CACNA2D3: variants seen among roughly 807,000 people sequenced by gnomAD.
CACNA2D3 encodes the protein calcium voltage-gated channel auxiliary subunit alpha2delta 3, also known as voltage-dependent calcium channel subunit alpha-2/delta-3.
In CACNA2D3, 60 loss-of-function variants were observed where a neutral mutation model predicts 160.6. The observed-to-expected ratio is 0.37, with a 90% CI of 0.30 to 0.46. The LOEUF (loss-of-function observed/expected upper bound fraction) is 0.46, where lower values mean the gene tolerates loss of function less well. Ranked by LOEUF, CACNA2D3 falls within the 20% of genes least tolerant of loss-of-function variation. The probability of loss-of-function intolerance (pLI) is 1.00; values close to 1 mark genes in which losing one functional copy is unlikely to be tolerated. For missense variants in CACNA2D3, 1,205 were observed against 1,365.0 expected (o/e 0.88, Z 1.85); for synonymous variants, 558 against 492.9 (o/e 1.13, Z -1.75).
intron 2 of CACNA2D3, among the ~76,000 whole-genome samples, chr3:54,227,582 T>G (rs1162720582): frequency 6.6e-6 from 1 of 151,398 alleles, no homozygotes; most frequent in Admixed American, 6.6e-5. Flanking sequence ...GGGGGCAGAG[T>G]CTCGCTCTGT....
At chr3:55,054,752 G>T (rs1704321504) in intron 35 of CACNA2D3, among the ~76,000 whole-genome samples, 1 of 151,814 alleles carries the variant, frequency 6.6e-6, no homozygotes, top group Non-Finnish European at 1.5e-5. Context: ...CACATGCATA[G>T]TCAGTTTTGT....
chr3:54,312,735 C>G (rs972238393), intron 2 of CACNA2D3, among the ~76,000 whole-genome samples: 1 of 152,210 alleles, frequency 6.6e-6, no homozygotes, highest in Non-Finnish European at 1.5e-5. Context: ...ATTCTGCTAA[C>G]AGAAGGGATG....
chr3:54,896,644 T>TA, intron 25 of CACNA2D3, 105 bp from the exon 26 acceptor site: 1 of 1,422,480 alleles, frequency 7.0e-7, no homozygotes. Context: ...GTTGGGGTTC[T>TA]AAAAGTGAAC....
At chr3:54,493,320 A>G (rs1701147060) in intron 4 of CACNA2D3, among the ~76,000 whole-genome samples, 1 of 151,482 alleles carries the variant, frequency 6.6e-6, no homozygotes, top group Non-Finnish European at 1.5e-5. Flanking sequence ...CAGGCAGTCC[A>G]CCCGTCTTGA....
intron 2 of CACNA2D3, among the ~76,000 whole-genome samples, chr3:54,227,201 A>C (rs1215098549): frequency 6.7e-6 from 1 of 150,212 alleles, no homozygotes; most frequent in Non-Finnish European, 1.5e-5. Flanking sequence ...GGGGTTAACA[A>C]TATGTTACTG....
chr3:54,617,555 T>C (rs1260698514), intron 9 of CACNA2D3, among the ~76,000 whole-genome samples: 2 of 152,228 alleles, frequency 1.3e-5, no homozygotes, highest in East Asian at 3.8e-4. Context: ...TTGCTGAAAC[T>C]GCTCTTGGGT....
At chr3:54,438,655 AGTATT>A (rs920949179) in intron 4 of CACNA2D3, among the ~76,000 whole-genome samples, 2 of 152,182 alleles carry the variant, frequency 1.3e-5, no homozygotes, top group Non-Finnish European at 2.9e-5. Context: ...TGACAAAGGG[AGTATT>A]GTATTTATCA....
chr3:54,373,337 C>G (rs919999571), intron 3 of CACNA2D3, among the ~76,000 whole-genome samples: 2 of 152,158 alleles, frequency 1.3e-5, no homozygotes, highest in African/African-American at 4.8e-5. Context: ...CCCGCTTGGT[C>G]TTATTACACA....
At chr3:54,125,944 T>G (rs1699582446) in intron 2 of CACNA2D3, among the ~76,000 whole-genome samples, 3 of 152,230 alleles carry the variant, frequency 2.0e-5, no homozygotes, top group Admixed American at 6.5e-5. Flanking sequence ...TCCTTAACAA[T>G]TAAGATGCTT....
intron 4 of CACNA2D3, among the ~76,000 whole-genome samples, chr3:54,405,269 TAA>T (rs34019072): frequency 0.16 from 15,993 of 100,618 alleles, 1,140 homozygotes; most frequent in African/African-American, 0.27. Flanking sequence ...TACTACTCAG[TAA>T]AAAAAAAAAA....
At chr3:54,689,738 A>C (rs1036443737) in intron 11 of CACNA2D3, among the ~76,000 whole-genome samples, 4 of 151,236 alleles carry the variant, frequency 2.6e-5, no homozygotes, top group East Asian at 1.9e-4. Flanking sequence ...ACACACACAC[A>C]CCCTACCCAC....
intron 4 of CACNA2D3, among the ~76,000 whole-genome samples, chr3:54,420,732 A>G (rs998645927): frequency 7.2e-5 from 11 of 152,220 alleles, no homozygotes; most frequent in Non-Finnish European, 1.5e-4. Context: ...ACTGACACCC[A>G]GAGAAGTTAA....
chr3:54,917,142 A>G (rs968544627), intron 27 of CACNA2D3, among the ~76,000 whole-genome samples: 1 of 152,254 alleles, frequency 6.6e-6, no homozygotes, highest in Non-Finnish European at 1.5e-5. Context: ...ACCTAGCATG[A>G]GAAAATGCAA....
chr3:54,478,660 G>GTGTATATATATATATATA lies in CACNA2D3; in HGVS notation c.382-24831_382-24830insGTATATATATATATATAT. On this transcript the variant is annotated intron_variant, in intron 4 of 37. Transcript: ENST00000474759. ...AAAATATATATATAAATATGTGTGTGTATATATATATATATATATTGCTTG... is the reference window on the plus strand; with the variant it reads ...AAAATATATATATAAATATGTGTGTGTGTATATATATATATATATATATATATATATATATATTGCTTG... Among the ~76,000 whole-genome samples the GTGTATATATATATATATA allele has an allele frequency of 1.7e-3, 62 of 36,384 alleles. 6 individuals carry two copies. The highest frequency in any genetic ancestry group is 4.4e-3 in the African/African-American group (61 of 13,876). 23.9% of individuals were successfully genotyped at this position (36,384 alleles called of 152,430 possible).
intron 11 of CACNA2D3, among the ~76,000 whole-genome samples, chr3:54,676,625 C>G (rs747872384): frequency 6.6e-6 from 1 of 152,084 alleles, no homozygotes; most frequent in African/African-American, 2.4e-5. Context: ...TTGGAATTGC[C>G]CTTCCCATAG....
intron 5 of CACNA2D3, among the ~76,000 whole-genome samples, chr3:54,545,707 C>A (rs191737412): frequency 2.0e-5 from 3 of 152,268 alleles, no homozygotes; most frequent in African/African-American, 4.8e-5. Context: ...CAATTTAAAT[C>A]CCTTAACTGA....
chr3:54,322,878 T>C (rs1704035561), intron 3 of CACNA2D3, among the ~76,000 whole-genome samples: 1 of 152,146 alleles, frequency 6.6e-6, no homozygotes, highest in African/African-American at 2.4e-5. Flanking sequence ...AAAAAATAAG[T>C]TGCTCTGTTT....
intron 18 of CACNA2D3, 94 bp from the exon 19 acceptor site, chr3:54,878,924 A>G (rs1043165370): frequency 1.5e-6 from 1 of 670,018 alleles, no homozygotes; most frequent in African/African-American, 1.9e-5. Flanking sequence ...TGTAAGTTCA[A>G]TATGGAGGCT....
chr3:54,944,444 G>A (rs994186893), intron 27 of CACNA2D3, among the ~76,000 whole-genome samples: 13 of 146,074 alleles, frequency 8.9e-5, no homozygotes, highest in African/African-American at 2.8e-4. Context: ...ATTTTGAGAC[G>A]GAATCTCGCT....
Sources: gnomAD v4.1 joint callset for allele counts (sites outside exome capture counted in the v4.1 genomes callset) on GRCh38, gnomAD v4.1.1 for gene constraint, MANE v1.5 for transcripts, NCBI Gene and HGNC (gene_info 2026-07-23, HGNC 2026-07-21) for gene names.